Variants in CD226 observed in about 807,000 individuals in gnomAD.
CD226 encodes CD226 molecule.
Under a neutral mutation model 34.9 loss-of-function variants are expected in CD226, and 24 were observed. The observed-to-expected ratio is 0.69, with a 90% confidence interval of 0.50 to 0.97. The LOEUF is 0.97. Ranked by LOEUF, CD226 falls within the 50% of genes least tolerant of loss-of-function variation. CD226 has a pLI of 0.00. For missense variants in CD226, 397 were observed against 412.7 expected (o/e 0.96, Z 0.33); for synonymous variants, 148 against 147.4 (o/e 1.00, Z -0.03).
At chr18:69,943,463 C>T (rs1197331779) in intron 2 of CD226, among the ~76,000 whole-genome samples, 1 of 152,168 alleles carries the variant, frequency 6.6e-6, no homozygotes, top group Non-Finnish European at 1.5e-5. Context: ...AAATCAATTG[C>T]TAATGAAGAA....
chr18:69,904,481 T>G (rs1423576772), intron 2 of CD226, among the ~76,000 whole-genome samples: 1 of 152,204 alleles, frequency 6.6e-6, no homozygotes, highest in East Asian at 1.9e-4. Flanking sequence ...AGCTCCAGAA[T>G]CTTGAGATTG....
chr18:69,869,799 C>CTTTTTTTTTTTTTTTTT (rs1002754140), intron 4 of CD226, among the ~76,000 whole-genome samples: 1 of 121,694 alleles, frequency 8.2e-6, no homozygotes, highest in Non-Finnish European at 1.7e-5. Flanking sequence ...TCTTTTTTTT[C>CTTTTTTTTTTTTTTTTT]TTTTTTTTTT....
chr18:69,915,823 A>G (rs2055378992), intron 2 of CD226, among the ~76,000 whole-genome samples: 1 of 152,090 alleles, frequency 6.6e-6, no homozygotes, highest in Non-Finnish European at 1.5e-5. Flanking sequence ...TCCTAACTCT[A>G]CTGTCTTGGA....
chr18:69,888,581 A>G (rs1182865158), intron 3 of CD226, among the ~76,000 whole-genome samples: 1 of 152,080 alleles, frequency 6.6e-6, no homozygotes, highest in African/African-American at 2.4e-5. Context: ...GAAGAAAATC[A>G]GTACATTTGT....
At chr18:69,893,611 A>C (rs1788235) in intron 3 of CD226, among the ~76,000 whole-genome samples, 30,671 of 152,116 alleles carry the variant, frequency 0.2, 3,850 homozygotes, top group African/African-American at 0.36. Context: ...CAGTTTCAAA[A>C]AATACTTCCA....
intron 2 of CD226, among the ~76,000 whole-genome samples, chr18:69,898,617 T>A (rs1344065940): frequency 1.3e-5 from 2 of 152,048 alleles, no homozygotes; most frequent in African/African-American, 4.8e-5. Context: ...AAAGAAGTGG[T>A]TCCCAACCCT....
upstream of CD226, among the ~76,000 whole-genome samples, chr18:69,952,662 G>A (rs1292367657): frequency 2.0e-5 from 3 of 152,090 alleles, no homozygotes; most frequent in African/African-American, 4.8e-5. Flanking sequence ...ATAAGCACAG[G>A]GGTAAATTTT....
At chr18:69,911,705 A>T (rs2055327507) in intron 2 of CD226, among the ~76,000 whole-genome samples, 1 of 152,328 alleles carries the variant, frequency 6.6e-6, no homozygotes, top group South Asian at 2.1e-4. Flanking sequence ...TATCTGCCCC[A>T]TGTATTACTT....
upstream of CD226, among the ~76,000 whole-genome samples, chr18:69,949,432 C>G (rs879516323): frequency 6.6e-6 from 1 of 152,146 alleles, no homozygotes; most frequent in African/African-American, 2.4e-5. Flanking sequence ...GTCCTAATGA[C>G]AAGATTTTCC....
At position 69,895,726 on chromosome 18, in the gene CD226, G is replaced by C; in HGVS notation, c.702C>G (p.Phe234Leu). ...LQASAGENET[F>L]VMRLTVAEGK... Reference sequence around the variant, plus strand: ...CCTCGGCTACAGTCAATCTCATCACGAAGGTTTCGTTTTCTCCTGCGCTGG... The same window carrying C: ...CCTCGGCTACAGTCAATCTCATCACCAAGGTTTCGTTTTCTCCTGCGCTGG... Residue 234 changes from phenylalanine to leucine, a missense_variant, in exon 3 of 6, where the codon TTC becomes TTG. Transcript: ENST00000582621. The C allele has an allele frequency of 6.2e-7, 1 of 1,613,588 alleles. No individual in the cohort carries two copies. The highest frequency in any genetic ancestry group is 2.2e-5 in the East Asian group (1 of 44,878).
intron 3 of CD226, among the ~76,000 whole-genome samples, chr18:69,893,340 A>G (rs543280967): frequency 1.9e-4 from 29 of 152,256 alleles, no homozygotes; most frequent in Non-Finnish European, 3.7e-4. Flanking sequence ...ACAAAGAAAT[A>G]GTTTTGTGCA....
At chr18:69,929,074 A>G (rs906141876) in intron 2 of CD226, among the ~76,000 whole-genome samples, 21 of 152,226 alleles carry the variant, frequency 1.4e-4, no homozygotes, top group African/African-American at 5.1e-4. Context: ...AGCCAAAGGT[A>G]TTACAATAGG....
Position 69,857,723 on chromosome 18 carries a change from G to A in CD226, c.*6591C>T, listed in dbSNP as rs1449208276. 2.0e-5 allele frequency: 3 copies of A among 152,148 alleles called. No homozygotes were observed. Among genetic ancestry groups the A allele is most frequent in the Admixed American group, 6.5e-5 (1 of 15,280 alleles). 9.4% of individuals were successfully genotyped at this position (152,148 alleles called of 1,614,324 possible). Reference sequence around the variant, plus strand: ...CAGGAATTTGGAGAACTTATGCTTGGTATTTTAAACTCATGAGAACTTAGT... The same window carrying A: ...CAGGAATTTGGAGAACTTATGCTTGATATTTTAAACTCATGAGAACTTAGT... On this transcript the variant is annotated 3_prime_UTR_variant, in exon 6 of 6. Transcript: ENST00000582621.
chr18:69,922,943 C>T (rs989339175), intron 2 of CD226, among the ~76,000 whole-genome samples: 2 of 152,154 alleles, frequency 1.3e-5, no homozygotes, highest in Middle Eastern at 6.8e-3. Flanking sequence ...ACCAGCCTGG[C>T]CAACATGGTG....
chr18:69,928,610 G>A (rs946662123), intron 2 of CD226, among the ~76,000 whole-genome samples: 2 of 152,196 alleles, frequency 1.3e-5, no homozygotes, highest in African/African-American at 4.8e-5. Context: ...GGGAACATAA[G>A]TGTTTCAGAT....
At chr18:69,945,896 A>T (rs60779794) in intron 2 of CD226, among the ~76,000 whole-genome samples, 2,945 of 152,222 alleles carry the variant, frequency 0.019, 50 homozygotes, top group African/African-American at 0.048. Context: ...AGAGAGAGCT[A>T]GTGCAGGGGA....
At chr18:69,904,637 C>T (rs1295941819) in intron 2 of CD226, among the ~76,000 whole-genome samples, 1 of 152,200 alleles carries the variant, frequency 6.6e-6, no homozygotes, top group Non-Finnish European at 1.5e-5. Context: ...TGCTGAATCA[C>T]ATGGAAAAGT....
chr18:69,942,478 C>T (rs2055737939), intron 2 of CD226, among the ~76,000 whole-genome samples: 1 of 152,202 alleles, frequency 6.6e-6, no homozygotes, highest in Admixed American at 6.5e-5. Context: ...TCAGAGATGT[C>T]CCCTGGTCTG....
chr18:69,876,126 T>C (rs1983849533), intron 3 of CD226, among the ~76,000 whole-genome samples: 2 of 152,242 alleles, frequency 1.3e-5, no homozygotes, highest in Admixed American at 1.3e-4. Flanking sequence ...AATTGTTTTC[T>C]TTGGGCTTTT....
Sources: allele counts gnomAD v4.1 joint callset (sites outside exome capture counted in the v4.1 genomes callset), GRCh38; gene constraint gnomAD v4.1.1; transcripts MANE v1.5; gene names NCBI Gene and HGNC (gene_info 2026-07-23, HGNC 2026-07-21).